PCDH9: variants seen among roughly 807,000 people sequenced by gnomAD.
The protein encoded by PCDH9 is protocadherin-9.
In PCDH9, 24 loss-of-function variants were observed where a neutral mutation model predicts 70.6. The observed-to-expected ratio is 0.34, with a 90% CI of 0.25 to 0.48. The LOEUF is 0.48. PCDH9 is among the 20% of genes least tolerant of loss of function. PCDH9 has a pLI of 0.99. For synonymous variants in PCDH9, 562 were observed against 558.5 expected, an observed-to-expected ratio of 1.01 and a Z score of -0.09; for missense variants, 1,281 against 1,503.6, an observed-to-expected ratio of 0.85 and a Z score of 2.45.
intron 4 of PCDH9, among the ~76,000 whole-genome samples, chr13:66,455,892 T>C (rs1266276541): frequency 6.6e-6 from 1 of 152,148 alleles, no homozygotes; most frequent in Non-Finnish European, 1.5e-5. Flanking sequence ...TTCAATATTT[T>C]AGTCTAAAGG....
chr13:66,608,614 G>C (rs2077251751), intron 4 of PCDH9, among the ~76,000 whole-genome samples: 1 of 151,870 alleles, frequency 6.6e-6, no homozygotes, highest in Non-Finnish European at 1.5e-5. Flanking sequence ...GGAATAGACA[G>C]AGTTTGAACC....
chr13:66,746,323 T>TA (rs1451060340), intron 3 of PCDH9, among the ~76,000 whole-genome samples: 23 of 152,208 alleles, frequency 1.5e-4, no homozygotes. Context: ...AAAGCAATTA[T>TA]AAAAACTCTC....
chr13:66,955,471 CA>C (rs764695268), intron 2 of PCDH9, among the ~76,000 whole-genome samples: 20 of 152,110 alleles, frequency 1.3e-4, no homozygotes, highest in Non-Finnish European at 2.8e-4. Flanking sequence ...TGTAAGGTGT[CA>C]TTTTTTTCTG....
chr13:66,376,612 A>T (rs1447034117), intron 4 of PCDH9, among the ~76,000 whole-genome samples: 1 of 152,158 alleles, frequency 6.6e-6, no homozygotes, highest in Non-Finnish European at 1.5e-5. Context: ...AAAAAATACA[A>T]GTATTTTTCA....
At chr13:66,778,308 G>T (rs984082166) in intron 3 of PCDH9, among the ~76,000 whole-genome samples, 1 of 151,836 alleles carries the variant, frequency 6.6e-6, no homozygotes, top group Non-Finnish European at 1.5e-5. Context: ...AATACTCTCT[G>T]CTCTTTAATC....
At chr13:66,919,668 G>A (rs910352134) in intron 2 of PCDH9, among the ~76,000 whole-genome samples, 2 of 150,946 alleles carry the variant, frequency 1.3e-5, no homozygotes, top group Non-Finnish European at 3.0e-5. Context: ...TCAGAGTGTT[G>A]TAATGGAAAA....
At chr13:66,559,519 G>A (rs1370252456) in intron 4 of PCDH9, among the ~76,000 whole-genome samples, 1 of 151,916 alleles carries the variant, frequency 6.6e-6, no homozygotes, top group Non-Finnish European at 1.5e-5. Context: ...CGGATCAGGA[G>A]GCCGGGCACA....
chr13:67,003,724 A>AT (rs143229970), intron 2 of PCDH9, among the ~76,000 whole-genome samples: 26 of 152,356 alleles, frequency 1.7e-4, no homozygotes, highest in Admixed American at 5.2e-4. Flanking sequence ...GAAATTACTC[A>AT]TGATACACTC....
chr13:66,525,784 A>C (rs1033109787), intron 4 of PCDH9, among the ~76,000 whole-genome samples: 5 of 152,168 alleles, frequency 3.3e-5, no homozygotes, highest in Non-Finnish European at 5.9e-5. Flanking sequence ...CTTAAGAATC[A>C]GCGTGGCCAA....
intron 3 of PCDH9, among the ~76,000 whole-genome samples, chr13:66,874,942 T>TGTGTGTGTGTGTGTGA (rs533672911): frequency 9.1e-6 from 1 of 109,934 alleles, no homozygotes; most frequent in East Asian, 2.9e-4. Flanking sequence ...TGTGTGTGTG[T>TGTGTGTGTGTGTGTGA]GAGAGAGAGA....
intron 2 of PCDH9, among the ~76,000 whole-genome samples, chr13:67,150,631 A>G (rs1445617920): frequency 6.6e-6 from 1 of 152,228 alleles, no homozygotes; most frequent in Non-Finnish European, 1.5e-5. Context: ...CATCCAAAAC[A>G]TGTGCCAATA....
At chr13:67,011,987 T>A (rs905988061) in intron 2 of PCDH9, among the ~76,000 whole-genome samples, 1 of 151,918 alleles carries the variant, frequency 6.6e-6, no homozygotes, top group Non-Finnish European at 1.5e-5. Context: ...ATCAGTTAAA[T>A]CATGAAACTA....
intron 3 of PCDH9, among the ~76,000 whole-genome samples, chr13:66,668,798 G>A (rs1373457499): frequency 2.6e-5 from 4 of 152,164 alleles, no homozygotes; most frequent in East Asian, 1.9e-4. Flanking sequence ...GTATGCATAC[G>A]TCAGTTCATT....
intron 3 of PCDH9, among the ~76,000 whole-genome samples, chr13:66,893,933 G>T (rs1403475174): frequency 1.3e-5 from 2 of 151,906 alleles, no homozygotes; most frequent in Non-Finnish European, 2.9e-5. Context: ...TGTATGACTT[G>T]CCGATCATCA....
intron 3 of PCDH9, among the ~76,000 whole-genome samples, chr13:66,873,978 A>C (rs1594188128): frequency 9.1e-6 from 1 of 109,604 alleles, no homozygotes; most frequent in Non-Finnish European, 1.7e-5. Flanking sequence ...TCACTGTGTT[A>C]GCCAGGCTAG....
intron 2 of PCDH9, among the ~76,000 whole-genome samples, chr13:66,969,842 G>C (rs578037330): frequency 6.6e-6 from 1 of 151,834 alleles, no homozygotes; most frequent in African/African-American, 2.4e-5. Context: ...ATACACTCTC[G>C]AAGCACAATT....
chr13:66,910,353 T>C (rs919653677), intron 2 of PCDH9, among the ~76,000 whole-genome samples: 3 of 135,234 alleles, frequency 2.2e-5, no homozygotes, highest in Admixed American at 7.4e-5. Context: ...TATAGTTCCA[T>C]GTGATCAAGT....
At chr13:66,435,209 T>G (rs2138385666) in intron 4 of PCDH9, among the ~76,000 whole-genome samples, 1 of 152,268 alleles carries the variant, frequency 6.6e-6, no homozygotes, top group Non-Finnish European at 1.5e-5. Flanking sequence ...AGGAATTAAG[T>G]GAGACTATAA....
intron 2 of PCDH9, among the ~76,000 whole-genome samples, chr13:67,019,188 C>CT (rs60154161): frequency 0.4 from 41,054 of 102,510 alleles, 9,648 homozygotes; most frequent in Admixed American, 0.47. Context: ...GGCAGTTGCT[C>CT]TTTTTTTTTT....
Sources: allele counts gnomAD v4.1 joint callset (sites outside exome capture counted in the v4.1 genomes callset), GRCh38; gene constraint gnomAD v4.1.1; transcripts MANE v1.5; gene names NCBI Gene and HGNC (gene_info 2026-07-23, HGNC 2026-07-21).